Variants in CAB39L observed in about 807,000 individuals in gnomAD.
CAB39L encodes calcium binding protein 39 like, also known as calcium-binding protein 39-like.
CAB39L carries 23 observed loss-of-function variants against 39.1 expected under a neutral mutation model. The ratio of observed to expected loss-of-function variants is 0.59; its 90% confidence interval spans 0.42 to 0.83. The LOEUF (loss-of-function observed/expected upper bound fraction) is 0.83, where lower values mean the gene tolerates loss of function less well. CAB39L is among the 40% of genes least tolerant of loss of function. CAB39L has a pLI of 0.00. For missense variants in CAB39L, 366 were observed against 391.9 expected (o/e 0.93, Z 0.56); for synonymous variants, 126 against 137.2 (o/e 0.92, Z 0.57).
chr13:49,378,191 G>T (rs1207154050), intron 4 of CAB39L, among the ~76,000 whole-genome samples: 1 of 88,460 alleles, frequency 1.1e-5, no homozygotes, highest in East Asian at 2.2e-4. Flanking sequence ...GAGCCTCTCC[G>T]CCCGGCAGCC....
chr13:49,442,517 T>C (rs1460509826), intron 1 of CAB39L, among the ~76,000 whole-genome samples: 1 of 152,070 alleles, frequency 6.6e-6, no homozygotes, highest in Non-Finnish European at 1.5e-5. Flanking sequence ...TCAGGCCAGG[T>C]GCCGTGGCTC....
At chr13:49,361,403 G>A (rs1422819736) in intron 5 of CAB39L, among the ~76,000 whole-genome samples, 3 of 148,372 alleles carry the variant, frequency 2.0e-5, no homozygotes, top group South Asian at 2.1e-4. Context: ...GCTTGAACCC[G>A]GGAGGCAGAG....
chr13:49,395,328 C>G lies in CAB39L; in HGVS notation c.-31-12387G>C, dbSNP rs187016104. 3.1e-3 allele frequency among the ~76,000 whole-genome samples: 467 copies of G among 151,832 alleles called. 4 individuals carry two copies. The highest frequency in any genetic ancestry group is 0.03 in the East Asian group (156 of 5,154). On this transcript the variant is annotated intron_variant, in intron 3 of 10. Coordinates refer to ENST00000409308, the MANE Select transcript of CAB39L (RefSeq NM_001079670.3). ...TCGGCTCACTGCAACCTCCGCCCCC[C>G]GGGTTCAAGCGATTCTCCTGCCTCA...
intron 1 of CAB39L, among the ~76,000 whole-genome samples, chr13:49,438,258 C>T (rs1377370601): frequency 6.6e-6 from 1 of 152,216 alleles, no homozygotes; most frequent in Admixed American, 6.5e-5. Flanking sequence ...TATTCTACTT[C>T]TCATTCACCC....
intron 3 of CAB39L, among the ~76,000 whole-genome samples, chr13:49,383,366 A>G (rs1437049461): frequency 6.6e-6 from 1 of 152,196 alleles, no homozygotes; most frequent in African/African-American, 2.4e-5. Context: ...CTATTTCACA[A>G]AAGAGAAAGG....
intron 3 of CAB39L, among the ~76,000 whole-genome samples, chr13:49,417,182 T>C (rs181308486): frequency 2.0e-5 from 3 of 152,342 alleles, no homozygotes; most frequent in South Asian, 4.1e-4. Context: ...CACTTTATAT[T>C]CCAATTTTTA....
At chr13:49,343,568 CAG>C (rs558574082) in intron 8 of CAB39L, among the ~76,000 whole-genome samples, 4 of 148,444 alleles carry the variant, frequency 2.7e-5, no homozygotes, top group Non-Finnish European at 6.0e-5. Flanking sequence ...AAGAGGGAGC[CAG>C]AGAGAGAGAG....
chr13:49,336,465 T>C (rs1431557080), intron 9 of CAB39L, among the ~76,000 whole-genome samples: 1 of 152,170 alleles, frequency 6.6e-6, no homozygotes, highest in African/African-American at 2.4e-5. Flanking sequence ...TCTGGGTGAA[T>C]TAATGAAAAA....
chr13:49,398,136 C>T lies in CAB39L; in HGVS notation c.-31-15195G>A, dbSNP rs138482653. Among the ~76,000 whole-genome samples the T allele has an allele frequency of 1.8e-3, 277 of 152,100 alleles. 2 individuals are homozygous for T. The highest frequency in any genetic ancestry group is 6.4e-3 in the African/African-American group (267 of 41,526). Reference sequence around the variant, plus strand: ...ATCCCCAAGCTGTTCAAAGTTGATTCGGTTTTTCTGGCTGAGTAATTTGAT... The same window carrying T: ...ATCCCCAAGCTGTTCAAAGTTGATTTGGTTTTTCTGGCTGAGTAATTTGAT... On this transcript the variant is annotated intron_variant, in intron 3 of 10. Transcript: ENST00000409308.
At chr13:49,379,274 G>T (rs1956202508) in intron 4 of CAB39L, among the ~76,000 whole-genome samples, 1 of 31,270 alleles carries the variant, frequency 3.2e-5, no homozygotes, top group Admixed American at 2.2e-4. Context: ...GTGGGGAAAA[G>T]ATTGAGAAAT....
intron 10 of CAB39L, among the ~76,000 whole-genome samples, chr13:49,323,196 C>G (rs945446371): frequency 2.0e-5 from 3 of 152,164 alleles, no homozygotes; most frequent in Non-Finnish European, 4.4e-5. Flanking sequence ...TGGCCAACCT[C>G]AAGATTCCCA....
intron 10 of CAB39L, among the ~76,000 whole-genome samples, chr13:49,320,458 T>C (rs1394613013): frequency 6.6e-6 from 1 of 152,234 alleles, no homozygotes; most frequent in African/African-American, 2.4e-5. Flanking sequence ...CAAATATTTT[T>C]AGTTTAGAAG....
chr13:49,359,391 G>A (rs1410142613), intron 6 of CAB39L, among the ~76,000 whole-genome samples: 1 of 151,956 alleles, frequency 6.6e-6, no homozygotes, highest in Admixed American at 6.6e-5. Context: ...CATGCAAGCA[G>A]GAAAAGGGTA....
At chr13:49,329,199 T>C (rs1954594528) in intron 10 of CAB39L, among the ~76,000 whole-genome samples, 1 of 152,178 alleles carries the variant, frequency 6.6e-6, no homozygotes, top group Non-Finnish European at 1.5e-5. Context: ...TCATTTACTC[T>C]AAATCCATAA....
chr13:49,329,993 G>A (rs1163880870), intron 10 of CAB39L, among the ~76,000 whole-genome samples: 1 of 152,084 alleles, frequency 6.6e-6, no homozygotes, highest in African/African-American at 2.4e-5. Context: ...GGCTAAACGT[G>A]AATCTTGAGT....
At chr13:49,407,095 A>G (rs1956897023) in intron 3 of CAB39L, among the ~76,000 whole-genome samples, 1 of 151,814 alleles carries the variant, frequency 6.6e-6, no homozygotes, top group African/African-American at 2.4e-5. Flanking sequence ...TAAATGGTGT[A>G]GTTCAATGGA....
intron 10 of CAB39L, among the ~76,000 whole-genome samples, chr13:49,321,612 G>C (rs2138355556): frequency 6.6e-6 from 1 of 152,272 alleles, no homozygotes; most frequent in South Asian, 2.1e-4. Context: ...ATGGCTGCCA[G>C]CTTCGCCCTC....
At chr13:49,399,571 ATAAAC>A (rs758592766) in intron 3 of CAB39L, among the ~76,000 whole-genome samples, 5 of 152,092 alleles carry the variant, frequency 3.3e-5, no homozygotes, top group African/African-American at 1.2e-4. Context: ...CAGTCACTTG[ATAAAC>A]TGTTTCCCAG....
At chr13:49,384,405 T>C (rs1321962489) in intron 3 of CAB39L, among the ~76,000 whole-genome samples, 1 of 152,188 alleles carries the variant, frequency 6.6e-6, no homozygotes, top group Non-Finnish European at 1.5e-5. Context: ...AAGTTACCCA[T>C]GAGAGTTAGA....
Sources: allele counts gnomAD v4.1 joint callset (sites outside exome capture counted in the v4.1 genomes callset), GRCh38; gene constraint gnomAD v4.1.1; transcripts MANE v1.5; gene names NCBI Gene and HGNC (gene_info 2026-07-23, HGNC 2026-07-21).